SHANK2: variants seen among roughly 807,000 people sequenced by gnomAD.
SHANK2 encodes SH3 and multiple ankyrin repeat domains 2.
A neutral mutation model predicts 133.7 loss-of-function variants in SHANK2; 43 were observed. That is an observed-to-expected ratio of 0.32 (90% CI 0.25 to 0.41). The LOEUF (loss-of-function observed/expected upper bound fraction) is 0.41. Among genes scored for constraint, SHANK2 ranks in the 10% least tolerant of loss-of-function variants. The pLI is 1.00. For missense variants in SHANK2, 1,994 were observed against 2,235.8 expected (o/e 0.89, Z 2.18); for synonymous variants, 1,017 against 952.8 (o/e 1.07, Z -1.24).
chr11:70,852,962 G>T (rs950815272), intron 11 of SHANK2, among the ~76,000 whole-genome samples: 1 of 152,238 alleles, frequency 6.6e-6, no homozygotes, highest in East Asian at 1.9e-4. Context: ...CCAGAGGAAG[G>T]CAACGTTCCC....
intron 6 of SHANK2, among the ~76,000 whole-genome samples, chr11:71,101,164 T>G (rs1052337956): frequency 3.3e-5 from 5 of 152,162 alleles, no homozygotes; most frequent in Admixed American, 1.3e-4. Flanking sequence ...AGGGGAAAAC[T>G]CCATGCCTTC....
At chr11:71,075,750 T>C (rs1225796686) in intron 8 of SHANK2, among the ~76,000 whole-genome samples, 1 of 151,932 alleles carries the variant, frequency 6.6e-6, no homozygotes, top group African/African-American at 2.4e-5. Context: ...TCCACAGGAG[T>C]GAGCCCTGTC....
chr11:70,621,314 C>T (rs1231575970), intron 17 of SHANK2, among the ~76,000 whole-genome samples: 7 of 152,348 alleles, frequency 4.6e-5, no homozygotes, highest in Admixed American at 1.3e-4. Context: ...GAAACCGAGG[C>T]AGGAGCGGCC....
rs1162401004 is a variant in SHANK2, at chr11:70,516,827, G to GT, written c.2062-13897_2062-13896insA. Reference sequence around the variant, plus strand: ...CTCATGCTTGTAATCCCAGCACTTTGGGGGGCCGAGTCGGGTGGATCACCT... The same window carrying GT: ...CTCATGCTTGTAATCCCAGCACTTTGTGGGGGCCGAGTCGGGTGGATCACCT... On this transcript the variant is annotated intron_variant, in intron 17 of 25. Coordinates refer to ENST00000601538, the MANE Select transcript of SHANK2 (RefSeq NM_012309.5). Among the ~76,000 whole-genome samples, 5 of 152,300 alleles carry GT rather than the reference G, an allele frequency of 3.3e-5. No individual in the cohort carries two copies. The East Asian group carries it at 9.7e-4, about 29-fold the overall frequency.
At chr11:70,915,281 C>T (rs947304785) in intron 10 of SHANK2, among the ~76,000 whole-genome samples, 1 of 152,110 alleles carries the variant, frequency 6.6e-6, no homozygotes, top group East Asian at 1.9e-4. Context: ...TTCCCAAATC[C>T]GCCAGCACAT....
intron 13 of SHANK2, among the ~76,000 whole-genome samples, chr11:70,805,166 C>T (rs1010390833): frequency 2.0e-5 from 3 of 152,146 alleles, no homozygotes; most frequent in African/African-American, 7.2e-5. Context: ...AACTGCCAGC[C>T]GCACCCCAGC....
At chr11:70,732,994 GT>G (rs1238058252) in intron 14 of SHANK2, among the ~76,000 whole-genome samples, 2 of 152,266 alleles carry the variant, frequency 1.3e-5, no homozygotes, top group African/African-American at 4.8e-5. Flanking sequence ...TCTCCTGCAT[GT>G]CAGATGCTGC....
chr11:71,184,486 T>C (rs1555114197), intron 2 of SHANK2, among the ~76,000 whole-genome samples: 1 of 152,084 alleles, frequency 6.6e-6, no homozygotes, highest in African/African-American at 2.4e-5. Context: ...GGTTCAACAA[T>C]ACTGAAGCCC....
chr11:71,116,223 A>G (rs1165990178), intron 4 of SHANK2, among the ~76,000 whole-genome samples: 1 of 152,230 alleles, frequency 6.6e-6, no homozygotes, highest in Non-Finnish European at 1.5e-5. Flanking sequence ...GAACCCACTT[A>G]GGTTGCTCAA....
chr11:70,575,039 A>T (rs1400287946), intron 17 of SHANK2, among the ~76,000 whole-genome samples: 1 of 152,062 alleles, frequency 6.6e-6, no homozygotes, highest in African/African-American at 2.4e-5. Flanking sequence ...CAAAGGGCAC[A>T]TTTCTGTTTC....
At chr11:71,066,497 T>A in intron 9 of SHANK2, among the ~76,000 whole-genome samples, 1 of 151,692 alleles carries the variant, frequency 6.6e-6, no homozygotes, top group East Asian at 1.9e-4. Context: ...AAGGCAGAGG[T>A]CAAAAGTAGA....
intron 11 of SHANK2, among the ~76,000 whole-genome samples, chr11:70,831,853 G>A (rs2135400317): frequency 6.6e-6 from 1 of 152,332 alleles, no homozygotes. Flanking sequence ...TTTGGAAAGA[G>A]CCGGACGTGG....
At chr11:71,145,187 G>A (rs1321654130) in intron 3 of SHANK2, among the ~76,000 whole-genome samples, 1 of 152,214 alleles carries the variant, frequency 6.6e-6, no homozygotes, top group Non-Finnish European at 1.5e-5. Flanking sequence ...AGGCCACCCT[G>A]AGCCTCCCCC....
intron 17 of SHANK2, among the ~76,000 whole-genome samples, chr11:70,606,145 A>G (rs2136351013): frequency 1.3e-5 from 2 of 152,232 alleles, no homozygotes; most frequent in East Asian, 3.9e-4. Context: ...CAATACCAGC[A>G]AAGACCCCAC....
intron 17 of SHANK2, among the ~76,000 whole-genome samples, chr11:70,645,334 G>A (rs2134178407): frequency 6.6e-6 from 1 of 152,280 alleles, no homozygotes; most frequent in East Asian, 1.9e-4. Flanking sequence ...GGCAGGGGCT[G>A]TCTAGGGGGG....
rs556599575 is a variant in SHANK2 at position 70,747,081 on chromosome 11, C to A, written c.1778-48318G>T. 6.0e-5 allele frequency among the ~76,000 whole-genome samples: 9 copies of A among 150,232 alleles called. No individual in the cohort carries two copies. In the South Asian group the frequency reaches 1.9e-3, roughly 32 times the overall value. On this transcript the variant is annotated intron_variant, in intron 14 of 25. Coordinates refer to ENST00000601538, the MANE Select transcript of SHANK2 (RefSeq NM_012309.5). Reference sequence around the variant, plus strand: ...CCCTGCTCAGTCTCTTCCCCTGGCTCATCCATGGTCCCCACGAGTGACTGG... The same window carrying A: ...CCCTGCTCAGTCTCTTCCCCTGGCTAATCCATGGTCCCCACGAGTGACTGG...
chr11:70,867,008 T>A (rs1336255528), intron 11 of SHANK2, among the ~76,000 whole-genome samples: 1 of 150,294 alleles, frequency 6.7e-6, no homozygotes, highest in Non-Finnish European at 1.5e-5. Flanking sequence ...TGACATTCCA[T>A]GAAGCCAGGA....
chr11:70,489,240 C>G, intron 24 of SHANK2, 88 bp downstream of exon 24: 1 of 1,325,050 alleles, frequency 7.5e-7, no homozygotes, highest in South Asian at 1.2e-5. Flanking sequence ...CAATTCTGTT[C>G]CCAAGGAGTA....
intron 15 of SHANK2, among the ~76,000 whole-genome samples, chr11:70,674,825 A>G (rs1591735837): frequency 6.6e-6 from 1 of 152,380 alleles, no homozygotes; most frequent in East Asian, 1.9e-4. Context: ...CTGTGTTCCA[A>G]TAAAACTTTA....
Sources: allele counts gnomAD v4.1 joint callset (sites outside exome capture counted in the v4.1 genomes callset), GRCh38; gene constraint gnomAD v4.1.1; transcripts MANE v1.5; gene names NCBI Gene and HGNC (gene_info 2026-07-23, HGNC 2026-07-21).